Variants in XNDC1N observed in about 807,000 individuals in gnomAD.
XNDC1N encodes the protein XRCC1 N-terminal domain containing 1, N-terminal like, also known as protein XNDC1N.
the XNDC1N span, among the ~76,000 whole-genome samples, chr11:71,890,857 C>T: frequency 2.0e-5 from 3 of 151,974 alleles, no homozygotes; most frequent in Non-Finnish European, 2.9e-5. Flanking sequence ...CCTTTGCTGT[C>T]ATAGAATTCT....
At chr11:71,887,593 G>A in the XNDC1N span, among the ~76,000 whole-genome samples, 5 of 151,664 alleles carry the variant, frequency 3.3e-5, no homozygotes, top group Admixed American at 6.6e-5. Context: ...CCCTGCCAGT[G>A]AGGCAAAAAC....
the XNDC1N span, among the ~76,000 whole-genome samples, chr11:71,895,975 A>G: frequency 6.6e-6 from 1 of 152,194 alleles, no homozygotes; most frequent in Admixed American, 6.5e-5. Flanking sequence ...ACTTCTATGT[A>G]GGAAGAAAAA....
At chr11:71,913,427 G>A in the XNDC1N span, among the ~76,000 whole-genome samples, 5 of 152,160 alleles carry the variant, frequency 3.3e-5, no homozygotes, top group Non-Finnish European at 2.9e-5. Context: ...TTGGAAGGCC[G>A]AGGCTAGTGG....
chr11:71,928,474 C>G, the XNDC1N span: 34 of 702,510 alleles, frequency 4.8e-5, no homozygotes, highest in Non-Finnish European at 8.3e-5. Context: ...CCGAGAGCTA[C>G]TCTTCCGTCT....
the XNDC1N span, among the ~76,000 whole-genome samples, chr11:71,896,855 C>T: frequency 6.6e-6 from 1 of 152,368 alleles, no homozygotes; most frequent in East Asian, 1.9e-4. Flanking sequence ...TGAGCGACTG[C>T]GGCCGGCCCA....
At chr11:71,882,494 G>T in the XNDC1N span, among the ~76,000 whole-genome samples, 2 of 152,192 alleles carry the variant, frequency 1.3e-5, no homozygotes, top group African/African-American at 4.8e-5. Context: ...GCCTCCCAAA[G>T]TGCCAGGATT....
At chr11:71,875,717 G>A in the XNDC1N span, among the ~76,000 whole-genome samples, 1 of 151,044 alleles carries the variant, frequency 6.6e-6, no homozygotes, top group East Asian at 1.9e-4. Flanking sequence ...TTAAAGTAAG[G>A]AAAACAATGG....
the XNDC1N span, among the ~76,000 whole-genome samples, chr11:71,873,827 C>A: frequency 1.6e-4 from 24 of 152,142 alleles, no homozygotes; most frequent in African/African-American, 5.3e-4. Flanking sequence ...TTTTAAAAAA[C>A]GTAATTAGAT....
At chr11:71,926,498 C>A in the XNDC1N span, among the ~76,000 whole-genome samples, 1 of 152,176 alleles carries the variant, frequency 6.6e-6, no homozygotes, top group Non-Finnish European at 1.5e-5. Flanking sequence ...CACTTCAGAG[C>A]AGCATCATGA....
the XNDC1N span, among the ~76,000 whole-genome samples, chr11:71,897,639 G>C: frequency 6.6e-6 from 1 of 152,074 alleles, no homozygotes; most frequent in East Asian, 1.9e-4. Context: ...AGGAGTGGGG[G>C]AAAATAGTAT....
chr11:71,893,025 T>C, the XNDC1N span, among the ~76,000 whole-genome samples: 1 of 152,254 alleles, frequency 6.6e-6, no homozygotes, highest in Non-Finnish European at 1.5e-5. Context: ...TCCTTTTACA[T>C]ATTCTACATC....
chr11:71,878,570 G>A, the XNDC1N span: 1 of 1,554,652 alleles, frequency 6.4e-7, no homozygotes, highest in Middle Eastern at 2.3e-4. Flanking sequence ...AAAATGCAAG[G>A]TCTTTCAAGA....
chr11:71,893,864 A>G, the XNDC1N span: 6 of 941,744 alleles, frequency 6.4e-6, no homozygotes, highest in East Asian at 6.0e-5. Context: ...CCTCTGCACT[A>G]CCCAGTCATC....
At chr11:71,886,239 C>T in the XNDC1N span, among the ~76,000 whole-genome samples, 2 of 152,126 alleles carry the variant, frequency 1.3e-5, no homozygotes, top group Admixed American at 1.3e-4. Context: ...TTGATTTGCT[C>T]CAAACTGTTA....
chr11:71,892,886 G>T, the XNDC1N span, among the ~76,000 whole-genome samples: 2 of 152,136 alleles, frequency 1.3e-5, no homozygotes, highest in African/African-American at 4.8e-5. Context: ...GTACTTTTAT[G>T]AAGAAATGAT....
chr11:71,883,561 T>C, the XNDC1N span, among the ~76,000 whole-genome samples: 4 of 152,194 alleles, frequency 2.6e-5, no homozygotes, highest in African/African-American at 4.8e-5. Flanking sequence ...AAACTGGGCC[T>C]GTATCTTACA....
the XNDC1N span, among the ~76,000 whole-genome samples, chr11:71,876,393 C>T: frequency 1.3e-5 from 2 of 152,156 alleles, no homozygotes; most frequent in South Asian, 4.1e-4. Context: ...GCAATCTAAG[C>T]CATCTTTTGA....
At chr11:71,882,845 A>T in the XNDC1N span, among the ~76,000 whole-genome samples, 1 of 152,166 alleles carries the variant, frequency 6.6e-6, no homozygotes, top group Non-Finnish European at 1.5e-5. Context: ...TTTTTGTAAA[A>T]AACCCTAAAC....
the XNDC1N span, chr11:71,914,199 A>T: frequency 2.3e-6 from 1 of 431,672 alleles, no homozygotes; most frequent in Non-Finnish European, 4.7e-6. Context: ...GATTCCTCTG[A>T]TGGATCTAGG....
Sources: allele counts gnomAD v4.1 joint callset (sites outside exome capture counted in the v4.1 genomes callset), GRCh38; gene constraint gnomAD v4.1.1; transcripts MANE v1.5; gene names NCBI Gene and HGNC (gene_info 2026-07-23, HGNC 2026-07-21).